Variants in CNTNAP2 observed in about 807,000 individuals in gnomAD.
The protein encoded by CNTNAP2 is contactin-associated protein-like 2.
CNTNAP2 carries 98 observed loss-of-function variants against 155.2 expected under a neutral mutation model. That is an observed-to-expected ratio of 0.63 (90% CI 0.54 to 0.75). CNTNAP2 has a LOEUF of 0.75. Ranked by LOEUF, CNTNAP2 falls within the 30% of genes least tolerant of loss-of-function variation. CNTNAP2 has a pLI of 0.00. For missense variants in CNTNAP2, 1,727 were observed against 1,688.1 expected (o/e 1.02, Z -0.40); for synonymous variants, 651 against 631.2 (o/e 1.03, Z -0.47).
chr7:147,916,764 A>T (rs142130281), intron 14 of CNTNAP2, among the ~76,000 whole-genome samples: 35 of 152,232 alleles, frequency 2.3e-4, no homozygotes, highest in African/African-American at 8.4e-4. Flanking sequence ...ATCTAAAGAA[A>T]AGTGCAGACG....
At chr7:147,094,568 T>TA (rs955831949) in intron 4 of CNTNAP2, among the ~76,000 whole-genome samples, 45 of 96,188 alleles carry the variant, frequency 4.7e-4, no homozygotes, top group East Asian at 1.6e-3. Flanking sequence ...CGCCTGGCTA[T>TA]TTTTTTTTTT....
At chr7:147,454,255 G>A in intron 10 of CNTNAP2, among the ~76,000 whole-genome samples, 1 of 151,996 alleles carries the variant, frequency 6.6e-6, no homozygotes, top group East Asian at 1.9e-4. Context: ...ATTTTCTTTG[G>A]TGGCTTTTTG....
intron 1 of CNTNAP2, among the ~76,000 whole-genome samples, chr7:146,453,312 A>G (rs1456281910): frequency 6.6e-6 from 1 of 152,212 alleles, no homozygotes; most frequent in African/African-American, 2.4e-5. Flanking sequence ...CAGAGAGAAA[A>G]GTCTCATAAT....
intron 1 of CNTNAP2, among the ~76,000 whole-genome samples, chr7:146,224,535 C>G (rs1799260252): frequency 6.6e-6 from 1 of 150,950 alleles, no homozygotes; most frequent in Non-Finnish European, 1.5e-5. Flanking sequence ...ATCATGAGGT[C>G]AGGAGATTGA....
chr7:146,371,987 A>G (rs1333998267), intron 1 of CNTNAP2, among the ~76,000 whole-genome samples: 3 of 151,910 alleles, frequency 2.0e-5, no homozygotes, highest in Admixed American at 6.6e-5. Context: ...AATTGCATAT[A>G]TAAATTTTTA....
At chr7:147,552,917 C>A (rs780944648) in intron 11 of CNTNAP2, among the ~76,000 whole-genome samples, 3 of 151,938 alleles carry the variant, frequency 2.0e-5, no homozygotes, top group Non-Finnish European at 4.4e-5. Context: ...TCCAGGCCAG[C>A]AGAAGAAAAA....
chr7:146,278,507 TA>T (rs1287351058), intron 1 of CNTNAP2, among the ~76,000 whole-genome samples: 1 of 152,034 alleles, frequency 6.6e-6, no homozygotes, highest in African/African-American at 2.4e-5. Flanking sequence ...TCCCACTCAC[TA>T]AAAAAATGAA....
chr7:147,199,851 G>A (rs1802887725), intron 8 of CNTNAP2, among the ~76,000 whole-genome samples: 2 of 148,486 alleles, frequency 1.3e-5, no homozygotes, highest in South Asian at 2.2e-4. Flanking sequence ...AAAAAATTTT[G>A]TTTCATTATC....
chr7:148,070,351 A>T (rs2116528401), intron 15 of CNTNAP2, among the ~76,000 whole-genome samples: 1 of 152,350 alleles, frequency 6.6e-6, no homozygotes, highest in South Asian at 2.1e-4. Flanking sequence ...ACTTGCTGTT[A>T]AAAAAGCAAA....
intron 1 of CNTNAP2, among the ~76,000 whole-genome samples, chr7:146,489,565 AC>A (rs1563104189): frequency 6.6e-6 from 1 of 151,824 alleles, no homozygotes; most frequent in Non-Finnish European, 1.5e-5. Flanking sequence ...TGACACACAC[AC>A]CCCCACCTGC....
chr7:146,679,726 C>G (rs1800469316), intron 1 of CNTNAP2, among the ~76,000 whole-genome samples: 1 of 152,048 alleles, frequency 6.6e-6, no homozygotes, highest in South Asian at 2.1e-4. Flanking sequence ...ATCTTTCCCT[C>G]TTTTCTCTGT....
At chr7:147,650,756 C>G (rs1186136530) in intron 13 of CNTNAP2, among the ~76,000 whole-genome samples, 1 of 152,006 alleles carries the variant, frequency 6.6e-6, no homozygotes, top group Non-Finnish European at 1.5e-5. Context: ...TTTTACTGCA[C>G]AGGGGGTTGG....
chr7:146,740,716 C>T (rs1198585452), intron 1 of CNTNAP2, among the ~76,000 whole-genome samples: 1 of 152,116 alleles, frequency 6.6e-6, no homozygotes, highest in Non-Finnish European at 1.5e-5. Context: ...TGCCAGAATC[C>T]CTGGACAGCT....
rs149714353 is a variant in CNTNAP2, at chr7:147,785,954, C to T, written c.2099-117611C>T. On this transcript the variant is annotated intron_variant, in intron 13 of 23. Coordinates refer to ENST00000361727, the MANE Select transcript of CNTNAP2 (RefSeq NM_014141.6). ...TTGCAATGAGCCAAGATCGTGCCAC[C>T]GCACTCCACCCTTGGTGATAGAGTG... 5.1e-3 allele frequency among the ~76,000 whole-genome samples: 764 copies of T among 150,964 alleles called. 3 individuals are homozygous for T. The highest frequency in any genetic ancestry group is 0.017 in the African/African-American group (687 of 41,042).
intron 13 of CNTNAP2, among the ~76,000 whole-genome samples, chr7:147,851,455 A>G (rs1463026527): frequency 2.6e-5 from 4 of 152,168 alleles, no homozygotes; most frequent in African/African-American, 9.7e-5. Flanking sequence ...TCATGCTGCT[A>G]TAAAGACACA....
chr7:147,360,788 G>A (rs985656112), intron 9 of CNTNAP2, among the ~76,000 whole-genome samples: 1 of 152,052 alleles, frequency 6.6e-6, no homozygotes, highest in African/African-American at 2.4e-5. Context: ...CCCCCCACCT[G>A]CCATTCCAAC....
At chr7:146,584,001 T>G (rs970740399) in intron 1 of CNTNAP2, among the ~76,000 whole-genome samples, 3 of 152,166 alleles carry the variant, frequency 2.0e-5, no homozygotes, top group Non-Finnish European at 4.4e-5. Flanking sequence ...GTCCCTGATG[T>G]AGATTATAAA....
At chr7:146,851,411 G>A (rs1000102534) in intron 3 of CNTNAP2, among the ~76,000 whole-genome samples, 13 of 152,186 alleles carry the variant, frequency 8.5e-5, no homozygotes, top group Non-Finnish European at 1.5e-4. Flanking sequence ...TTTAAAGAAA[G>A]TACTATTTAC....
chr7:147,406,004 T>C (rs533916077), intron 10 of CNTNAP2, among the ~76,000 whole-genome samples: 2 of 152,320 alleles, frequency 1.3e-5, no homozygotes, highest in South Asian at 4.1e-4. Context: ...GGTGACATAA[T>C]GTAGGTTTTC....
Sources: gnomAD v4.1 joint callset for allele counts (sites outside exome capture counted in the v4.1 genomes callset) on GRCh38, gnomAD v4.1.1 for gene constraint, MANE v1.5 for transcripts, NCBI Gene and HGNC (gene_info 2026-07-23, HGNC 2026-07-21) for gene names.